The following AGMO variants were observed in gnomAD, a reference collection of about 807,000 sequenced individuals.
The protein encoded by AGMO is alkylglycerol monooxygenase, also known as glyceryl-ether monooxygenase.
AGMO carries 75 observed loss-of-function variants against 60.2 expected under a neutral mutation model. That is an observed-to-expected ratio of 1.25 (90% confidence interval 1.03 to 1.51). AGMO has a LOEUF of 1.51. Ranked by LOEUF, AGMO falls within the 40% of genes most tolerant of loss-of-function variation. The pLI, the probability that AGMO is intolerant of heterozygous loss-of-function variation, is 0.00. For missense variants in AGMO, 763 were observed against 525.5 expected, an observed-to-expected ratio of 1.45 and a Z score of -4.42; for synonymous variants, 261 against 177.1, an observed-to-expected ratio of 1.47 and a Z score of -3.76.
the AGMO span, among the ~76,000 whole-genome samples, chr7:15,180,112 G>GC: frequency 6.6e-6 from 1 of 152,042 alleles, no homozygotes; most frequent in Non-Finnish European, 1.5e-5. Context: ...CTAACACCTG[G>GC]CCCCCTTCTA....
At chr7:15,121,958 A>T in the AGMO span, among the ~76,000 whole-genome samples, 4 of 152,196 alleles carry the variant, frequency 2.6e-5, no homozygotes, top group Non-Finnish European at 5.9e-5. Flanking sequence ...AAAACCCTGG[A>T]AGAAAACCTA....
At chr7:15,382,070 G>A (rs530702575) in intron 10 of AGMO, among the ~76,000 whole-genome samples, 9 of 152,066 alleles carry the variant, frequency 5.9e-5, no homozygotes, top group African/African-American at 2.2e-4. Context: ...TGGGTACTAG[G>A]CTTAATACCT....
In AGMO at chr7:15,391,035, C is replaced by T. The variant is rs1035750851; in HGVS notation, c.677-130G>A. On this transcript the variant is annotated intron_variant, in intron 6 of 12. Coordinates refer to ENST00000342526, the MANE Select transcript of AGMO (RefSeq NM_001004320.2). ...CAGGGTACAATTTCCCTGGGAATGT[C>T]TTCTCATTTATAACATCAGATTTTA... 1.9e-5 allele frequency: 11 copies of T among 580,546 alleles called. No homozygotes were observed. In the African/African-American group the frequency reaches 2.1e-4, roughly 11 times the overall value. 36.0% of individuals were successfully genotyped at this position (580,546 alleles called of 1,614,324 possible).
chr7:15,446,772 G>A (rs11977436), intron 3 of AGMO, among the ~76,000 whole-genome samples: 55,309 of 152,002 alleles, frequency 0.36, 11,407 homozygotes, highest in Non-Finnish European at 0.49. Context: ...ATAATGCCTC[G>A]TTTGTTCTTT....
chr7:15,434,296 C>T (rs73288431), intron 3 of AGMO, among the ~76,000 whole-genome samples: 5,681 of 152,148 alleles, frequency 0.037, 337 homozygotes, highest in African/African-American at 0.13. Context: ...CTAGAATGGC[C>T]GCCATTGATT....
chr7:15,342,172 TAAAAAAAAAAAAAAA>T (rs775057626), intron 12 of AGMO, among the ~76,000 whole-genome samples: 2 of 54,310 alleles, frequency 3.7e-5, no homozygotes, highest in Non-Finnish European at 6.4e-5. Context: ...CCCACAGAGT[TAAAAAAAAAAAAAAA>T]AAAAAAAAAG....
At chr7:15,354,235 T>C (rs938269621) in intron 12 of AGMO, among the ~76,000 whole-genome samples, 1 of 149,900 alleles carries the variant, frequency 6.7e-6, no homozygotes. Context: ...ATTTTCTATG[T>C]ACCATTACAG....
the AGMO span, among the ~76,000 whole-genome samples, chr7:15,142,623 C>A: frequency 6.6e-6 from 1 of 152,100 alleles, no homozygotes; most frequent in Non-Finnish European, 1.5e-5. Flanking sequence ...ATTCCTTTAT[C>A]CTGAAGCTTT....
chr7:15,417,977 T>C (rs574817456), intron 5 of AGMO, among the ~76,000 whole-genome samples: 2 of 152,256 alleles, frequency 1.3e-5, no homozygotes, highest in East Asian at 3.9e-4. Flanking sequence ...TGCTTAATAA[T>C]TACAAACATT....
Position 15,438,944 on chromosome 7 carries a change from A to G in AGMO, c.410-7836T>C, listed in dbSNP as rs570951771. ...AGTGATTTATCAGTCTATCTTCTTC[A>G]CTCAGTTTCTTACAGACTGTGTTCT... On this transcript the variant is annotated intron_variant, in intron 3 of 12. Transcript: ENST00000342526. 3.9e-5 allele frequency among the ~76,000 whole-genome samples: 6 copies of G among 152,270 alleles called. No individual in the cohort carries two copies. The East Asian group carries it at 1.2e-3, about 29-fold the overall frequency.
intron 12 of AGMO, among the ~76,000 whole-genome samples, chr7:15,317,821 T>C (rs771926917): frequency 6.6e-6 from 1 of 150,452 alleles, no homozygotes; most frequent in African/African-American, 2.4e-5. Context: ...AGAAGAGATA[T>C]TGAAAGGTTT....
chr7:15,346,555 T>C (rs559627852), intron 12 of AGMO, among the ~76,000 whole-genome samples: 16 of 151,846 alleles, frequency 1.1e-4, no homozygotes, highest in African/African-American at 3.9e-4. Flanking sequence ...AAAGCAACAC[T>C]GTATTGTCAC....
chr7:15,331,494 G>A (rs1045563547), intron 12 of AGMO, among the ~76,000 whole-genome samples: 3 of 152,172 alleles, frequency 2.0e-5, no homozygotes, highest in African/African-American at 7.2e-5. Context: ...AAAATTCAGG[G>A]AAAGGGGTAG....
chr7:15,265,789 C>T (rs1783414216), intron 12 of AGMO, among the ~76,000 whole-genome samples: 1 of 151,854 alleles, frequency 6.6e-6, no homozygotes, highest in African/African-American at 2.4e-5. Flanking sequence ...TAGTGTATAC[C>T]CAAAAGAATT....
At chr7:15,409,213 G>A (rs2128491923) in intron 5 of AGMO, among the ~76,000 whole-genome samples, 1 of 152,090 alleles carries the variant, frequency 6.6e-6, no homozygotes, top group South Asian at 2.1e-4. Context: ...GATGGGGGAA[G>A]TAAATGTGGC....
At chr7:15,164,916 T>C in the AGMO span, among the ~76,000 whole-genome samples, 1 of 152,044 alleles carries the variant, frequency 6.6e-6, no homozygotes. Flanking sequence ...AATTGTTATA[T>C]CAAAAAGTCA....
intron 12 of AGMO, among the ~76,000 whole-genome samples, chr7:15,228,920 C>G (rs940799986): frequency 6.6e-6 from 1 of 152,036 alleles, no homozygotes; most frequent in Admixed American, 6.6e-5. Flanking sequence ...GCATAAATTA[C>G]TGAGTTCGAC....
chr7:15,265,030 C>T (rs1674070034), intron 12 of AGMO, among the ~76,000 whole-genome samples: 1 of 152,046 alleles, frequency 6.6e-6, no homozygotes, highest in South Asian at 2.1e-4. Flanking sequence ...TGGAATAAAC[C>T]TATGTGCCCA....
At chr7:15,276,022 A>C (rs1783775782) in intron 12 of AGMO, among the ~76,000 whole-genome samples, 1 of 151,992 alleles carries the variant, frequency 6.6e-6, no homozygotes, top group African/African-American at 2.4e-5. Flanking sequence ...TAGGCCATTT[A>C]TTTTTAATGT....
Sources: allele counts gnomAD v4.1 joint callset (sites outside exome capture counted in the v4.1 genomes callset), GRCh38; gene constraint gnomAD v4.1.1; transcripts MANE v1.5; gene names NCBI Gene and HGNC (gene_info 2026-07-23, HGNC 2026-07-21).